Variants in FRMD5 observed in about 807,000 individuals in gnomAD.
FRMD5 encodes FERM domain containing 5.
FRMD5 carries 20 observed loss-of-function variants against 69.0 expected under a neutral mutation model. The observed-to-expected ratio is 0.29, with a 90% CI of 0.20 to 0.42. FRMD5 has a LOEUF of 0.42. Ranked by LOEUF, FRMD5 falls within the 10% of genes least tolerant of loss-of-function variation. FRMD5 has a pLI of 1.00. For synonymous variants in FRMD5, 271 were observed against 260.1 expected (o/e 1.04, Z -0.40); for missense variants, 595 against 708.6 (o/e 0.84, Z 1.82).
intron 1 of FRMD5, among the ~76,000 whole-genome samples, chr15:43,981,418 G>A (rs926813591): frequency 6.6e-6 from 1 of 152,198 alleles, no homozygotes; most frequent in African/African-American, 2.4e-5. Flanking sequence ...TTCATGTTGA[G>A]TAGGCTGAAG....
At chr15:44,093,768 T>G (rs2076510620) in intron 1 of FRMD5, among the ~76,000 whole-genome samples, 1 of 151,944 alleles carries the variant, frequency 6.6e-6, no homozygotes, top group South Asian at 2.1e-4. Context: ...GAGACGGGGT[T>G]TCACCATGTT....
At chr15:44,139,291 CT>C (rs1349255224) in intron 1 of FRMD5, among the ~76,000 whole-genome samples, 2 of 142,472 alleles carry the variant, frequency 1.4e-5, no homozygotes, top group Non-Finnish European at 3.0e-5. Flanking sequence ...ATAGCTCCCC[CT>C]CTCTCTACAC....
intron 1 of FRMD5, among the ~76,000 whole-genome samples, chr15:44,138,188 A>G (rs2077215458): frequency 6.6e-6 from 1 of 152,226 alleles, no homozygotes; most frequent in South Asian, 2.1e-4. Context: ...AATAAAATCA[A>G]CTATTTGGTA....
intron 1 of FRMD5, among the ~76,000 whole-genome samples, chr15:43,988,371 T>TC (rs1311812675): frequency 6.6e-6 from 1 of 151,638 alleles, no homozygotes; most frequent in Non-Finnish European, 1.5e-5. Context: ...TTTTTTTTTT[T>TC]AGCAACGAAG....
At chr15:43,967,689 T>C (rs1279671903) in intron 1 of FRMD5, among the ~76,000 whole-genome samples, 1 of 152,206 alleles carries the variant, frequency 6.6e-6, no homozygotes, top group Non-Finnish European at 1.5e-5. Flanking sequence ...GACCTGTATA[T>C]AATGGGCTTC....
chr15:43,874,219 T>C lies in FRMD5; in HGVS notation c.1379A>G (p.Lys460Arg). 1 of 1,614,222 alleles carries C rather than the reference T, an allele frequency of 6.2e-7. No individual in the cohort carries two copies. The highest frequency in any genetic ancestry group is 2.2e-5 in the East Asian group (1 of 44,886). The part of the protein sequence containing the change: ...NGATCSIEEE[K>R]ESEASTPTAT... Reference sequence around the variant, plus strand: ...AGTTGGGGTGCTGGCTTCAGATTCCTTCTCCTCCTCAATGCTGCAGGTGGC... The same window carrying C: ...AGTTGGGGTGCTGGCTTCAGATTCCCTCTCCTCCTCAATGCTGCAGGTGGC... The change falls in exon 14 of 14, where the codon AAG (lysine) becomes AGG (arginine). Residue 460 changes from lysine to arginine, a missense_variant. Around this residue, in one of 5 missense-constraint regions of FRMD5, gnomAD observed 245 missense variants for 227.1 expected, o/e 1.08. Transcript: ENST00000417257.
At chr15:44,130,388 T>C (rs777209546) in intron 1 of FRMD5, among the ~76,000 whole-genome samples, 1 of 152,194 alleles carries the variant, frequency 6.6e-6, no homozygotes, top group Non-Finnish European at 1.5e-5. Flanking sequence ...TTCCAAAGAT[T>C]ACACTTCAGT....
chr15:43,937,081 G>A (rs1405700403), intron 1 of FRMD5, among the ~76,000 whole-genome samples: 2 of 152,154 alleles, frequency 1.3e-5, no homozygotes, highest in Non-Finnish European at 2.9e-5. Flanking sequence ...CAGGATTTAG[G>A]ATGTTTTTAA....
At chr15:44,168,486 A>G (rs1251086815) in intron 1 of FRMD5, among the ~76,000 whole-genome samples, 36 of 152,218 alleles carry the variant, frequency 2.4e-4, no homozygotes, top group Admixed American at 2.4e-3. Context: ...CCTGTCTTTA[A>G]TTCTTGTGTG....
At chr15:44,050,247 T>C (rs1892598880) in intron 1 of FRMD5, among the ~76,000 whole-genome samples, 1 of 151,940 alleles carries the variant, frequency 6.6e-6, no homozygotes, top group Admixed American at 6.6e-5. Flanking sequence ...AAAAAGAGAG[T>C]GGTTACATCT....
chr15:43,993,676 G>A (rs1276174259), intron 1 of FRMD5, among the ~76,000 whole-genome samples: 1 of 151,926 alleles, frequency 6.6e-6, no homozygotes, highest in Non-Finnish European at 1.5e-5. Flanking sequence ...CTTAAAGTTG[G>A]GTATCAAAGT....
intron 1 of FRMD5, among the ~76,000 whole-genome samples, chr15:44,002,032 T>C (rs745760153): frequency 2.0e-5 from 3 of 152,174 alleles, no homozygotes; most frequent in Non-Finnish European, 4.4e-5. Flanking sequence ...GCCAAAAGAC[T>C]CCTCGGTTTG....
At chr15:43,880,389 CAGTT>C (rs746014608) in intron 13 of FRMD5, among the ~76,000 whole-genome samples, 14 of 152,214 alleles carry the variant, frequency 9.2e-5, no homozygotes, top group Admixed American at 2.0e-4. Context: ...TTGGGGTGGG[CAGTT>C]AGTTAGGGTC....
At chr15:44,076,408 T>C (rs1893767536) in intron 1 of FRMD5, among the ~76,000 whole-genome samples, 2 of 147,108 alleles carry the variant, frequency 1.4e-5, no homozygotes, top group East Asian at 2.0e-4. Flanking sequence ...ATTAAGAAAA[T>C]GTGGCACATA....
chr15:43,936,007 C>A (rs2089754846), intron 1 of FRMD5, among the ~76,000 whole-genome samples: 1 of 152,174 alleles, frequency 6.6e-6, no homozygotes, highest in South Asian at 2.1e-4. Flanking sequence ...GAAAAGCCAT[C>A]TTTTCTCTGA....
chr15:43,883,660 A>G (rs1201285264), intron 13 of FRMD5, 43 bp downstream of exon 13: 1 of 1,418,936 alleles, frequency 7.0e-7, no homozygotes, highest in South Asian at 1.3e-5. Flanking sequence ...CCAGATCACA[A>G]CTTGGAGGAC....
intron 1 of FRMD5, among the ~76,000 whole-genome samples, chr15:44,124,478 T>G (rs1411388453): frequency 6.6e-6 from 1 of 151,542 alleles, no homozygotes; most frequent in Non-Finnish European, 1.5e-5. Flanking sequence ...GGCAGGCAGA[T>G]CACGAGGACA....
At chr15:44,111,830 T>G (rs2076800089) in intron 1 of FRMD5, among the ~76,000 whole-genome samples, 1 of 152,070 alleles carries the variant, frequency 6.6e-6, no homozygotes, top group African/African-American at 2.4e-5. Context: ...CAAAACTGAT[T>G]TGTTGAATAC....
At position 43,979,291 on chromosome 15, in the gene FRMD5, C is replaced by T. The variant is rs957229700; in HGVS notation, c.103-54982G>A. Among the ~76,000 whole-genome samples, 19 of 151,006 alleles carry T rather than the reference C, an allele frequency of 1.3e-4. 1 individual carries two copies. The highest frequency in any genetic ancestry group is 4.4e-4 in the African/African-American group (18 of 40,884). On this transcript the variant is annotated intron_variant, in intron 1 of 13. Transcript: ENST00000417257. ...TGGAGATTACAGTGAGCGGAGATCACGCCATTGCACTCCAGCCTGGGCTAT... is the reference window on the plus strand; with the variant it reads ...TGGAGATTACAGTGAGCGGAGATCATGCCATTGCACTCCAGCCTGGGCTAT...
Sources: gnomAD v4.1 joint callset for allele counts (sites outside exome capture counted in the v4.1 genomes callset) on GRCh38, gnomAD v4.1.1 for gene constraint, gnomAD v4.1.1 regional missense constraint, MANE v1.5 for transcripts, NCBI Gene and HGNC (gene_info 2026-07-23, HGNC 2026-07-21) for gene names.